SHQ1: variants seen among roughly 807,000 people sequenced by gnomAD.
SHQ1 encodes protein SHQ1 homolog.
Under a neutral mutation model 53.8 loss-of-function variants are expected in SHQ1, and 49 were observed. The observed-to-expected ratio is 0.91, with a 90% CI of 0.72 to 1.16. SHQ1 has a LOEUF of 1.16. SHQ1 is among the 50% of genes most tolerant of loss of function. The pLI, the probability that SHQ1 is intolerant of heterozygous loss-of-function variation, is 0.00. For synonymous variants in SHQ1, 243 were observed against 251.0 expected (o/e 0.97, Z 0.30); for missense variants, 738 against 683.1 (o/e 1.08, Z -0.90).
chr3:72,729,093 C>T, the SHQ1 span, among the ~76,000 whole-genome samples: 8 of 152,230 alleles, frequency 5.3e-5, no homozygotes, highest in African/African-American at 1.9e-4. Context: ...GCTGAGTAAA[C>T]TGATGCGTGA....
At chr3:72,808,396 T>C (rs978326619) in intron 9 of SHQ1, among the ~76,000 whole-genome samples, 2 of 152,148 alleles carry the variant, frequency 1.3e-5, no homozygotes, top group Admixed American at 1.3e-4. Flanking sequence ...TTTATAACTA[T>C]TTCAATATAT....
At chr3:72,759,339 T>C (rs1393357451) in intron 10 of SHQ1, among the ~76,000 whole-genome samples, 1 of 152,108 alleles carries the variant, frequency 6.6e-6, no homozygotes, top group Non-Finnish European at 1.5e-5. Context: ...CAGAAAAAAG[T>C]AAATCAACTT....
intron 5 of SHQ1, among the ~76,000 whole-genome samples, chr3:72,829,928 C>A (rs1193637468): frequency 6.6e-6 from 1 of 152,080 alleles, no homozygotes; most frequent in Non-Finnish European, 1.5e-5. Flanking sequence ...AGTATGAATA[C>A]TTGGCTATAA....
intron 9 of SHQ1, among the ~76,000 whole-genome samples, chr3:72,803,148 G>A (rs1706840508): frequency 6.6e-6 from 1 of 152,192 alleles, no homozygotes; most frequent in Admixed American, 6.5e-5. Flanking sequence ...CTCCCAGGCT[G>A]ACCTGGGCTC....
rs1041940141 is a variant in SHQ1 at position 72,818,815 on chromosome 3, C to T, written c.728-1431G>A. Among the ~76,000 whole-genome samples, 3 of 152,146 alleles carry T rather than the reference C, an allele frequency of 2.0e-5. No individual in the cohort carries two copies. In the East Asian group the frequency reaches 5.8e-4, roughly 29 times the overall value. ...TGAAGTGAGAGAGCCTGTGAGAAGG[C>T]TATGTGGCAGGGACCTGTAGAGGCC... is the stretch of plus-strand genomic sequence containing the variant. On this transcript the variant is annotated intron_variant, in intron 6 of 10. Transcript: ENST00000325599.
At chr3:72,797,439 A>C (rs1365733086) in intron 9 of SHQ1, among the ~76,000 whole-genome samples, 1 of 152,186 alleles carries the variant, frequency 6.6e-6, no homozygotes, top group Non-Finnish European at 1.5e-5. Context: ...CTCTATTTTC[A>C]AAATTGTCCA....
intron 10 of SHQ1, among the ~76,000 whole-genome samples, chr3:72,756,914 T>C (rs1244939298): frequency 6.6e-6 from 1 of 152,232 alleles, no homozygotes; most frequent in Admixed American, 6.5e-5. Context: ...ATGGCTAAGC[T>C]GATACAAAAT....
chr3:72,835,681 C>T (rs566885566), intron 4 of SHQ1, among the ~76,000 whole-genome samples: 20 of 152,282 alleles, frequency 1.3e-4, no homozygotes, highest in African/African-American at 4.1e-4. Flanking sequence ...TTCTTCAACC[C>T]CATGTTCACC....
chr3:72,764,566 A>G (rs1705681443), intron 10 of SHQ1, among the ~76,000 whole-genome samples: 1 of 152,250 alleles, frequency 6.6e-6, no homozygotes, highest in South Asian at 2.1e-4. Context: ...GAGAATTTTA[A>G]AATACTTTTA....
intron 10 of SHQ1, among the ~76,000 whole-genome samples, chr3:72,764,307 C>T (rs1705671529): frequency 6.6e-6 from 1 of 152,122 alleles, no homozygotes; most frequent in Non-Finnish European, 1.5e-5. Context: ...CTTGGCCTTC[C>T]AGAGTGCTAG....
At chr3:72,809,479 C>G (rs11920131) in intron 9 of SHQ1, 49,189 of 151,810 alleles carry the variant, frequency 0.32, 9,745 homozygotes, top group African/African-American at 0.56. Flanking sequence ...AGCTCAAAGG[C>G]GGAAGTGAAA....
intron 9 of SHQ1, among the ~76,000 whole-genome samples, chr3:72,797,647 T>C (rs1352175738): frequency 6.6e-6 from 1 of 152,254 alleles, no homozygotes; most frequent in Non-Finnish European, 1.5e-5. Flanking sequence ...ACATGCTCTC[T>C]TCACAAGCTG....
At chr3:72,822,146 G>A (rs535658873) in intron 6 of SHQ1, among the ~76,000 whole-genome samples, 1 of 152,268 alleles carries the variant, frequency 6.6e-6, no homozygotes, top group East Asian at 1.9e-4. Flanking sequence ...GCATGTGGTG[G>A]AACAAGAAGT....
chr3:72,808,281 C>A (rs1011276401), intron 9 of SHQ1, among the ~76,000 whole-genome samples: 2 of 152,206 alleles, frequency 1.3e-5, no homozygotes, highest in African/African-American at 2.4e-5. Flanking sequence ...ATCACCCAGG[C>A]AGCAATCAAC....
chr3:72,778,104 C>T (rs2106751705), intron 10 of SHQ1, among the ~76,000 whole-genome samples: 1 of 152,202 alleles, frequency 6.6e-6, no homozygotes, highest in Non-Finnish European at 1.5e-5. Context: ...GAAGTTAATA[C>T]AATTGGGAAT....
the SHQ1 span, among the ~76,000 whole-genome samples, chr3:72,744,089 A>G: frequency 6.6e-6 from 1 of 152,176 alleles, no homozygotes; most frequent in Non-Finnish European, 1.5e-5. Context: ...GCTCTACAAG[A>G]GGCACTGGAT....
chr3:72,832,486 G>A lies in SHQ1; in HGVS notation c.487-5C>T, dbSNP rs1333806577. ...AATAACATCACTCAGTTCATCCTGA[G>A]GACACCCAGAAAAGAAAGAATAATT... On this transcript the variant is annotated splice_polypyrimidine_tract_variant and splice_region_variant and intron_variant, in intron 4 of 10. Transcript: ENST00000325599. The A allele has an allele frequency of 1.9e-6, 3 of 1,571,924 alleles. No individual in the cohort carries two copies. The highest frequency in any genetic ancestry group is 2.6e-6 in the Non-Finnish European group (3 of 1,156,700).
At chr3:72,821,468 C>T (rs903974604) in intron 6 of SHQ1, among the ~76,000 whole-genome samples, 8 of 152,182 alleles carry the variant, frequency 5.3e-5, no homozygotes, top group Non-Finnish European at 7.4e-5. Flanking sequence ...GGAGAAAAGT[C>T]TCCCTGTTGT....
chr3:72,726,132 CAT>C, the SHQ1 span, among the ~76,000 whole-genome samples: 3 of 152,044 alleles, frequency 2.0e-5, no homozygotes, highest in Non-Finnish European at 2.9e-5. Context: ...CTATTATCAC[CAT>C]ATGTTACAGA....
Sources: gnomAD v4.1 joint callset for allele counts (sites outside exome capture counted in the v4.1 genomes callset) on GRCh38, gnomAD v4.1.1 for gene constraint, MANE v1.5 for transcripts, NCBI Gene and HGNC (gene_info 2026-07-23, HGNC 2026-07-21) for gene names.